BRAF: variants seen among roughly 807,000 people sequenced by gnomAD.
BRAF encodes serine/threonine-protein kinase B-raf.
In BRAF, 16 loss-of-function variants were observed where a neutral mutation model predicts 104.6. The observed-to-expected ratio is 0.15, with a 90% CI of 0.10 to 0.23. The LOEUF is 0.23. Among genes scored for constraint, BRAF ranks in the 10% least tolerant of loss-of-function variants. BRAF has a pLI of 1.00. For missense variants in BRAF, 541 were observed against 937.3 expected (o/e 0.58, Z 5.52); for synonymous variants, 310 against 341.6 (o/e 0.91, Z 1.02).
rs74540444 is a variant in BRAF at position 140,883,196 on chromosome 7, T to C, written c.139-32984A>G. On this transcript the variant is annotated intron_variant, in intron 1 of 19. Transcript: ENST00000644969. ...GATTCTTTCACTGGTTTACTACCTT[T>C]AATGTAGTTAACATTTTAACCTTGA... 6.7e-3 allele frequency among the ~76,000 whole-genome samples: 1,024 copies of C among 152,276 alleles called. 3 individuals carry two copies. The highest frequency in any genetic ancestry group is 0.027 in the Middle Eastern group (8 of 294).
intron 14 of BRAF, among the ~76,000 whole-genome samples, chr7:140,771,970 AC>A (rs1356730293): frequency 6.6e-6 from 1 of 152,150 alleles, no homozygotes. Context: ...TAATTCCAAA[AC>A]AAAGCCCTCA....
intron 17 of BRAF, among the ~76,000 whole-genome samples, chr7:140,745,787 T>C (rs1034743175): frequency 3.9e-5 from 6 of 152,222 alleles, no homozygotes; most frequent in South Asian, 2.1e-4. Context: ...ATAGTTGGTA[T>C]TGAAAACATT....
At position 140,724,135 on chromosome 7, in the gene BRAF, A is replaced by G; in HGVS notation, c.*2359T>C. ...CCTATTCTAAAATGCAAGGGAAGAA[A>G]AAGTGTATCACCCTGAATATTGTTT... On this transcript the variant is annotated 3_prime_UTR_variant, in exon 20 of 20. Transcript: ENST00000644969. 9.5e-7 allele frequency: 1 copy of G among 1,053,874 alleles called. No individual in the cohort carries two copies. Among genetic ancestry groups the G allele is most frequent in the African/African-American group, 1.7e-5 (1 of 60,438 alleles). The allele number at this position is 1,053,874 out of a possible 1,614,324, so 65.3% of individuals were successfully genotyped here. A position where few individuals can be genotyped will look rare whatever the true frequency, so the allele number is the denominator to read the frequency against.
intron 1 of BRAF, among the ~76,000 whole-genome samples, chr7:140,899,929 C>T (rs962079397): frequency 6.6e-6 from 1 of 152,156 alleles, no homozygotes; most frequent in Non-Finnish European, 1.5e-5. Context: ...ACTGTGGTTT[C>T]CATCTTGGGT....
chr7:140,864,543 T>C (rs1810735646), intron 1 of BRAF, among the ~76,000 whole-genome samples: 1 of 151,992 alleles, frequency 6.6e-6, no homozygotes, highest in Non-Finnish European at 1.5e-5. Flanking sequence ...CAAGAGAGTA[T>C]AGGCCAAGAA....
intron 18 of BRAF, among the ~76,000 whole-genome samples, chr7:140,738,258 C>T (rs1796606672): frequency 6.6e-6 from 1 of 152,224 alleles, no homozygotes; most frequent in African/African-American, 2.4e-5. Context: ...AGGCAACACC[C>T]TGACAGACTT....
intron 17 of BRAF, 134 bp downstream of exon 16, chr7:140,749,153 C>T (rs2128993939): frequency 8.9e-6 from 11 of 1,240,520 alleles, no homozygotes; most frequent in East Asian, 5.1e-5. Context: ...AGTATACAAA[C>T]GATTTCTAAA....
chr7:140,719,290 G>T, downstream of BRAF: 1 of 848,834 alleles, frequency 1.2e-6, no homozygotes, highest in Non-Finnish European at 1.4e-6. Context: ...GACTACTTTT[G>T]TTACTGAATG....
At chr7:140,803,026 T>G (rs1397172827) in intron 5 of BRAF, among the ~76,000 whole-genome samples, 3 of 152,234 alleles carry the variant, frequency 2.0e-5, no homozygotes, top group Admixed American at 1.3e-4. Context: ...TTTCTACGTT[T>G]AGATACACAA....
At chr7:140,882,371 CTTTTT>C (rs1232247923) in intron 1 of BRAF, among the ~76,000 whole-genome samples, 2 of 126,646 alleles carry the variant, frequency 1.6e-5, no homozygotes, top group Admixed American at 1.6e-4. Context: ...ATCAAAGTAT[CTTTTT>C]TTTTTTTTTT....
intron 14 of BRAF, among the ~76,000 whole-genome samples, chr7:140,772,644 A>T (rs1476573653): frequency 6.6e-6 from 1 of 152,116 alleles, no homozygotes; most frequent in Non-Finnish European, 1.5e-5. Flanking sequence ...TAAAAAAAGT[A>T]GTGAAAATAG....
At position 140,778,056 on chromosome 7, in the gene BRAF, C is replaced by A. The variant is rs759901913; in HGVS notation, c.1572G>T (p.Met524Ile). ...GAGGTGTAGGTGCTGTCACATTCAA[C>A]ATTTTCACTGCCACATCACCTAAAA... ...GKWHGDVAVKMLNVTAPTPQQ... is the reference protein window; with the variant it reads ...GKWHGDVAVKILNVTAPTPQQ... The change falls in exon 13 of 20, where the codon ATG becomes ATT. Residue 524 changes from methionine (M) to isoleucine (I), a missense_variant. This residue lies in a region of BRAF where 109 missense variants were observed against 143.9 expected (regional missense o/e 0.76). Transcript: ENST00000644969. 6.2e-7 allele frequency: 1 copy of A among 1,613,376 alleles called. No individual in the cohort carries two copies. Among genetic ancestry groups the A allele is most frequent in the East Asian group, 2.2e-5 (1 of 44,800 alleles).
intron 14 of BRAF, among the ~76,000 whole-genome samples, chr7:140,767,285 T>C (rs1161326704): frequency 6.6e-6 from 1 of 152,110 alleles, no homozygotes; most frequent in Non-Finnish European, 1.5e-5. Flanking sequence ...ATTACAGGCA[T>C]GAACCACCGT....
intron 3 of BRAF, among the ~76,000 whole-genome samples, chr7:140,821,375 T>C (rs1805467857): frequency 6.6e-6 from 1 of 150,676 alleles, no homozygotes; most frequent in Non-Finnish European, 1.5e-5. Flanking sequence ...TCTCAGCTCA[T>C]TGCAACCTGT....
Position 140,722,045 on chromosome 7 carries a change from CT to C in BRAF, c.*4448del. ...CATGATTGCTGCCCATCATACAGTACTTCAACCCTAAACTACAGCAATTTCT... is the reference window on the plus strand; with the variant it reads ...CATGATTGCTGCCCATCATACAGTACTCAACCCTAAACTACAGCAATTTCT... On this transcript the variant is annotated 3_prime_UTR_variant, in exon 20 of 20. Transcript: ENST00000644969. 1.8e-6 allele frequency: 2 copies of C among 1,113,396 alleles called. No homozygotes were observed. Among genetic ancestry groups the C allele is most frequent in the Non-Finnish European group, 2.2e-6 (2 of 912,040 alleles). 69.0% of individuals were successfully genotyped at this position (1,113,396 alleles called of 1,614,324 possible). A position where few individuals can be genotyped will look rare whatever the true frequency, so the allele number is the denominator to read the frequency against.
intron 17 of BRAF, among the ~76,000 whole-genome samples, chr7:140,747,174 T>C (rs1022740037): frequency 3.9e-5 from 6 of 152,154 alleles, no homozygotes; most frequent in African/African-American, 1.4e-4. Context: ...CTTCAAAATG[T>C]GGAGTTTCAT....
At chr7:140,822,712 A>G (rs1031835040) in intron 3 of BRAF, among the ~76,000 whole-genome samples, 1 of 152,228 alleles carries the variant, frequency 6.6e-6, no homozygotes, top group Admixed American at 6.5e-5. Flanking sequence ...GTTTGGGGCT[A>G]TGACAAAGCA....
chr7:140,878,333 G>T (rs1812492491), intron 1 of BRAF, among the ~76,000 whole-genome samples: 1 of 152,122 alleles, frequency 6.6e-6, no homozygotes, highest in African/African-American at 2.4e-5. Flanking sequence ...AAACATAGGG[G>T]TAAATCTTAA....
chr7:140,723,904 TAA>T lies in BRAF; in HGVS notation c.*2588_*2589del, dbSNP rs1188866478. 9.6e-7 allele frequency: 1 copy of T among 1,044,444 alleles called. No homozygotes were observed. Among genetic ancestry groups the T allele is most frequent in the Non-Finnish European group, 1.2e-6 (1 of 866,236 alleles). The allele number at this position is 1,044,444 out of a possible 1,614,324, so 64.7% of individuals were successfully genotyped here. A position where few individuals can be genotyped will look rare whatever the true frequency, so the allele number is the denominator to read the frequency against. Reference sequence around the variant, plus strand: ...TAACTGTTGTCTAAGCATCAAAAAATAAAGCAGATAAAACACAAATAAAACCT... The same window carrying T: ...TAACTGTTGTCTAAGCATCAAAAAATAGCAGATAAAACACAAATAAAACCT... On this transcript the variant is annotated 3_prime_UTR_variant, in exon 20 of 20. Coordinates refer to ENST00000644969, the MANE Select transcript of BRAF (RefSeq NM_001374258.1).
Sources: gnomAD v4.1 joint callset for allele counts (sites outside exome capture counted in the v4.1 genomes callset) on GRCh38, gnomAD v4.1.1 for gene constraint, gnomAD v4.1.1 regional missense constraint, MANE v1.5 for transcripts, NCBI Gene and HGNC (gene_info 2026-07-23, HGNC 2026-07-21) for gene names.